Variants in ABCC12 observed in about 807,000 individuals in gnomAD.
The protein encoded by ABCC12 is ATP-binding cassette sub-family C member 12.
Under a neutral mutation model 151.1 loss-of-function variants are expected in ABCC12, and 142 were observed. The observed-to-expected ratio is 0.94, with a 90% CI of 0.82 to 1.08. The LOEUF is 1.08. ABCC12 is among the 50% of genes least tolerant of loss of function. ABCC12 has a pLI of 0.00. For synonymous variants in ABCC12, 645 were observed against 646.4 expected, an observed-to-expected ratio of 1.00 and a Z score of 0.03; for missense variants, 1,638 against 1,691.1, an observed-to-expected ratio of 0.97 and a Z score of 0.55.
intron 11 of ABCC12, among the ~76,000 whole-genome samples, chr16:48,126,977 C>G (rs181763559): frequency 6.6e-6 from 1 of 151,990 alleles, no homozygotes; most frequent in Admixed American, 6.6e-5. Flanking sequence ...GAAGGCAGGG[C>G]GGGGGGAAGT....
chr16:48,106,183 G>A (rs1162537264), intron 20 of ABCC12, among the ~76,000 whole-genome samples: 1 of 152,216 alleles, frequency 6.6e-6, no homozygotes, highest in Non-Finnish European at 1.5e-5. Context: ...GCTGATGGAT[G>A]AACATCGTTA....
chr16:48,131,096 T>C (rs1262247882), intron 9 of ABCC12, among the ~76,000 whole-genome samples: 1 of 152,224 alleles, frequency 6.6e-6, no homozygotes, highest in African/African-American at 2.4e-5. Flanking sequence ...TCTATTTTGC[T>C]TTGGGATTTT....
chr16:48,111,361 AC>A (rs1651847567), intron 18 of ABCC12, 74 bp downstream of exon 18: 1 of 1,521,128 alleles, frequency 6.6e-7, no homozygotes. Context: ...CAGTGTCTAC[AC>A]TGTCTGTATC....
chr16:48,084,213 A>G, intron 29 of ABCC12, 140 bp from the exon 30 acceptor site: 1 of 872,616 alleles, frequency 1.1e-6, no homozygotes, highest in Non-Finnish European at 1.7e-6. Flanking sequence ...ATCCATCTCA[A>G]AAAAGAAAAT....
At chr16:48,098,773 C>T (rs140785458) in intron 23 of ABCC12, among the ~76,000 whole-genome samples, 53 of 152,250 alleles carry the variant, frequency 3.5e-4, no homozygotes, top group African/African-American at 1.2e-3. Context: ...CGTCAGAAAC[C>T]CAAGCCCTTT....
rs75084947 is a variant in ABCC12, at chr16:48,090,713, G to T, written c.3285+407C>A. Among the ~76,000 whole-genome samples, 115 of 152,154 alleles carry T rather than the reference G, an allele frequency of 7.6e-4. 1 individual carries two copies. The East Asian group carries it at 0.021, about 28-fold the overall frequency. Reference sequence around the variant, plus strand: ...AGAGGGATGACTCGTCCGATTTGGGGTTTTTTGTCGTTGCTATTGTTTTTG... The same window carrying T: ...AGAGGGATGACTCGTCCGATTTGGGTTTTTTTGTCGTTGCTATTGTTTTTG... On this transcript the variant is annotated intron_variant, in intron 25 of 30. Coordinates refer to ENST00000311303, the MANE Select transcript of ABCC12 (RefSeq NM_001393797.1).
At chr16:48,116,772 G>A (rs571232420) in intron 14 of ABCC12, among the ~76,000 whole-genome samples, 3 of 152,308 alleles carry the variant, frequency 2.0e-5, no homozygotes, top group African/African-American at 7.2e-5. Flanking sequence ...AGAAGGGTGG[G>A]GACCCGAGAT....
chr16:48,152,254 G>T (rs983919144), intron 2 of ABCC12, among the ~76,000 whole-genome samples: 1 of 152,290 alleles, frequency 6.6e-6, no homozygotes, highest in Admixed American at 6.5e-5. Flanking sequence ...CAGAGATGCT[G>T]GGGCTGAAAA....
chr16:48,110,548 A>T (rs1353879656), intron 18 of ABCC12, among the ~76,000 whole-genome samples: 2 of 152,076 alleles, frequency 1.3e-5, no homozygotes, highest in Admixed American at 6.5e-5. Context: ...GGAGTGAATG[A>T]AGGCAGGGTG....
chr16:48,132,161 T>C (rs2150657979), intron 9 of ABCC12, among the ~76,000 whole-genome samples: 1 of 152,304 alleles, frequency 6.6e-6, no homozygotes, highest in East Asian at 1.9e-4. Flanking sequence ...AGGAAAAAAA[T>C]AGTTTTCTTT....
chr16:48,091,050 A>C, intron 25 of ABCC12, 70 bp downstream of exon 25: 1 of 1,456,782 alleles, frequency 6.9e-7, no homozygotes, highest in Non-Finnish European at 9.6e-7. Flanking sequence ...CGCATCTAAA[A>C]AGATCCAGTA....
In ABCC12 at chr16:48,108,510, G is replaced by C. The variant is rs1372259665; in HGVS notation, c.2301C>G (p.Ile767Met). 2 of 1,614,136 alleles carry C rather than the reference G, an allele frequency of 1.2e-6. No individual in the cohort carries two copies. The highest frequency in any genetic ancestry group is 1.7e-6 in the Non-Finnish European group (2 of 1,180,028). ...TTCCTTCCTGGGGGGATTCAGTCTG[G>C]ATGAGCTGGTGCTCAGGAACTGTGG... ...VDTKVPEHQL[I>M]QTESPQEGTV... The change falls in exon 19 of 31, where the codon ATC (isoleucine) becomes ATG (methionine). Residue 767 changes from isoleucine (I) to methionine (M), a missense_variant. Ile to Met is a conservative substitution (Grantham distance 10). Coordinates refer to ENST00000311303, the MANE Select transcript of ABCC12 (RefSeq NM_001393797.1).
intron 29 of ABCC12, 43 bp from the exon 30 acceptor site, chr16:48,084,116 G>A: frequency 6.5e-7 from 1 of 1,550,144 alleles, no homozygotes; most frequent in South Asian, 1.3e-5. Flanking sequence ...GCACTGAGAG[G>A]GGAATTTACA....
At chr16:48,124,048 G>A (rs1443924398) in intron 12 of ABCC12, among the ~76,000 whole-genome samples, 165 bp downstream of exon 12, 1 of 152,198 alleles carries the variant, frequency 6.6e-6, no homozygotes, top group Non-Finnish European at 1.5e-5. Context: ...CTGGCCCAGG[G>A]GCCTGGAGCT....
intron 23 of ABCC12, among the ~76,000 whole-genome samples, chr16:48,098,116 C>T (rs1175189286): frequency 6.6e-6 from 1 of 151,584 alleles, no homozygotes; most frequent in Non-Finnish European, 1.5e-5. Context: ...CACACACACA[C>T]ACACACACAC....
At chr16:48,088,223 A>C (rs1962709205) in intron 26 of ABCC12, 138 bp from the exon 27 acceptor site, 9 of 1,066,850 alleles carry the variant, frequency 8.4e-6, no homozygotes, top group East Asian at 2.6e-5. Context: ...AAGTGTCCTC[A>C]CCAGGGTGGG....
At chr16:48,142,337 G>A (rs1964846516) in intron 4 of ABCC12, among the ~76,000 whole-genome samples, 1 of 152,196 alleles carries the variant, frequency 6.6e-6, no homozygotes, top group South Asian at 2.1e-4. Flanking sequence ...ATGTTATTGG[G>A]GGAGTCAGCA....
intron 24 of ABCC12, among the ~76,000 whole-genome samples, chr16:48,092,331 G>A (rs1962934365): frequency 6.6e-6 from 1 of 152,230 alleles, no homozygotes; most frequent in African/African-American, 2.4e-5. Context: ...TGTTACCGCT[G>A]TGGGCAACTG....
intron 13 of ABCC12, 158 bp downstream of exon 13, chr16:48,121,558 G>T: frequency 9.8e-7 from 1 of 1,020,072 alleles, no homozygotes; most frequent in Non-Finnish European, 1.4e-6. Context: ...GCTTGGCTCA[G>T]GAAGAGGAAA....
Sources: gnomAD v4.1 joint callset for allele counts (sites outside exome capture counted in the v4.1 genomes callset) on GRCh38, gnomAD v4.1.1 for gene constraint, MANE v1.5 for transcripts, NCBI Gene and HGNC (gene_info 2026-07-23, HGNC 2026-07-21) for gene names.